Variants in INPP4B observed in about 807,000 individuals in gnomAD.
The protein encoded by INPP4B is inositol polyphosphate-4-phosphatase type II B, also known as inositol polyphosphate 4-phosphatase type II.
INPP4B carries 55 observed loss-of-function variants against 122.5 expected under a neutral mutation model. The observed-to-expected ratio is 0.45, with a 90% confidence interval of 0.36 to 0.56. The LOEUF (loss-of-function observed/expected upper bound fraction) is 0.56. INPP4B is among the 20% of genes least tolerant of loss of function. The probability of loss-of-function intolerance (pLI) is 0.00; values close to 1 mark genes in which losing one functional copy is unlikely to be tolerated. For synonymous variants in INPP4B, 403 were observed against 388.7 expected, an observed-to-expected ratio of 1.04 and a Z score of -0.43; for missense variants, 1,000 against 1,097.7, an observed-to-expected ratio of 0.91 and a Z score of 1.26.
At chr4:142,712,743 T>C (rs1763269942) in intron 2 of INPP4B, among the ~76,000 whole-genome samples, 1 of 152,264 alleles carries the variant, frequency 6.6e-6, no homozygotes, top group East Asian at 1.9e-4. Flanking sequence ...TAATAATAAA[T>C]AAGTACTTCT....
chr4:142,299,680 G>A (rs1038561222), intron 9 of INPP4B, among the ~76,000 whole-genome samples: 45 of 151,974 alleles, frequency 3.0e-4, no homozygotes, highest in Admixed American at 2.8e-3. Context: ...CTCTTCCAAA[G>A]AGTGGTTATT....
intron 10 of INPP4B, among the ~76,000 whole-genome samples, chr4:142,267,391 A>G (rs1743335174): frequency 6.6e-6 from 1 of 152,028 alleles, no homozygotes; most frequent in Admixed American, 6.5e-5. Context: ...ACAGGGCAGA[A>G]AGCCTATGAA....
chr4:142,537,541 C>T (rs989894447), intron 2 of INPP4B, among the ~76,000 whole-genome samples: 1 of 150,522 alleles, frequency 6.6e-6, no homozygotes, highest in Non-Finnish European at 1.5e-5. Context: ...CATACACACA[C>T]GTAAAGTAAG....
At chr4:142,254,529 G>A (rs985258140) in intron 11 of INPP4B, among the ~76,000 whole-genome samples, 112 of 152,302 alleles carry the variant, frequency 7.4e-4, no homozygotes, top group African/African-American at 2.4e-3. Context: ...GGAGCTGAAA[G>A]CCAAGGCTCG....
chr4:142,122,742 T>C (rs1797082496), intron 20 of INPP4B, among the ~76,000 whole-genome samples: 1 of 152,174 alleles, frequency 6.6e-6, no homozygotes, highest in African/African-American at 2.4e-5. Flanking sequence ...GTAGTCATTT[T>C]TTAAAAGAGT....
chr4:142,616,714 T>C (rs972219618), intron 2 of INPP4B, among the ~76,000 whole-genome samples: 1 of 152,126 alleles, frequency 6.6e-6, no homozygotes, highest in African/African-American at 2.4e-5. Flanking sequence ...GATGACTGAA[T>C]TTAAAATATG....
chr4:142,810,127 G>A (rs995463574), intron 1 of INPP4B, among the ~76,000 whole-genome samples: 4 of 143,844 alleles, frequency 2.8e-5, no homozygotes, highest in Admixed American at 7.1e-5. Flanking sequence ...CCGAGATCGC[G>A]CCACTGTACT....
chr4:142,108,068 T>C, intron 23 of INPP4B, 25 bp downstream of exon 23: 2 of 1,145,276 alleles, frequency 1.7e-6, no homozygotes, highest in Non-Finnish European at 2.6e-6. Flanking sequence ...CTATTATTGC[T>C]GTCTTCTCTA....
At chr4:142,038,636 G>A (rs1745421202) in intron 25 of INPP4B, among the ~76,000 whole-genome samples, 1 of 152,118 alleles carries the variant, frequency 6.6e-6, no homozygotes. Context: ...GTGGGGTTTG[G>A]GAAACCTGGC....
chr4:142,515,474 A>T (rs1490127502), intron 2 of INPP4B, among the ~76,000 whole-genome samples: 1 of 152,172 alleles, frequency 6.6e-6, no homozygotes, highest in Admixed American at 6.6e-5. Context: ...TTTTCAGAGA[A>T]GACTGTCTTG....
chr4:142,375,685 C>T (rs1321640010), intron 7 of INPP4B, among the ~76,000 whole-genome samples: 1 of 151,924 alleles, frequency 6.6e-6, no homozygotes, highest in African/African-American at 2.4e-5. Flanking sequence ...TTCCCCTTTG[C>T]TTCCTGGCTT....
intron 2 of INPP4B, among the ~76,000 whole-genome samples, chr4:142,640,575 C>T (rs1326942929): frequency 6.6e-6 from 1 of 151,704 alleles, no homozygotes; most frequent in African/African-American, 2.4e-5. Context: ...GGAAAAATTC[C>T]TTACAAGAAT....
chr4:142,371,287 A>C (rs1457488013), intron 7 of INPP4B, among the ~76,000 whole-genome samples: 2 of 152,164 alleles, frequency 1.3e-5, no homozygotes, highest in East Asian at 3.9e-4. Context: ...AGTAGATTAC[A>C]AACTTAATCA....
intron 18 of INPP4B, among the ~76,000 whole-genome samples, chr4:142,131,822 G>C (rs1307733931): frequency 6.6e-6 from 1 of 152,128 alleles, no homozygotes; most frequent in Non-Finnish European, 1.5e-5. Context: ...GGGCATGGTG[G>C]CGCATGCCTA....
At chr4:142,235,324 G>T (rs1856210292) in intron 12 of INPP4B, among the ~76,000 whole-genome samples, 1 of 150,754 alleles carries the variant, frequency 6.6e-6, no homozygotes, top group Non-Finnish European at 1.5e-5. Flanking sequence ...AAAATATTAG[G>T]CTAAAATTAG....
chr4:142,720,760 A>G (rs1273348074), intron 2 of INPP4B, among the ~76,000 whole-genome samples: 3 of 12,264 alleles, frequency 2.4e-4, no homozygotes, highest in South Asian at 1.9e-3. Flanking sequence ...ATATATATAT[A>G]ATCTCTCTCT....
At chr4:142,248,153 A>C (rs984842115) in intron 11 of INPP4B, among the ~76,000 whole-genome samples, 1 of 151,990 alleles carries the variant, frequency 6.6e-6, no homozygotes, top group African/African-American at 2.4e-5. Context: ...CCATCCCAAG[A>C]TCAGGTTAGC....
intron 3 of INPP4B, among the ~76,000 whole-genome samples, chr4:142,461,700 T>TAG (rs1816774516): frequency 6.6e-6 from 1 of 152,140 alleles, no homozygotes; most frequent in Non-Finnish European, 1.5e-5. Flanking sequence ...AAAAGAAACT[T>TAG]CTTAAAATGC....
chr4:142,138,501 C>T (rs376268440), intron 18 of INPP4B, among the ~76,000 whole-genome samples: 8 of 151,704 alleles, frequency 5.3e-5, no homozygotes, highest in South Asian at 2.1e-4. Context: ...CTAACCTCCA[C>T]GTTGTGCACA....
Sources: gnomAD v4.1 joint callset for allele counts (sites outside exome capture counted in the v4.1 genomes callset) on GRCh38, gnomAD v4.1.1 for gene constraint, MANE v1.5 for transcripts, NCBI Gene and HGNC (gene_info 2026-07-23, HGNC 2026-07-21) for gene names.